Variants in RBFOX1 observed in about 807,000 individuals in gnomAD.
The protein encoded by RBFOX1 is RNA binding fox-1 homolog 1.
RBFOX1 carries 8 observed loss-of-function variants against 57.7 expected under a neutral mutation model. The ratio of observed to expected loss-of-function variants is 0.14; its 90% CI spans 0.08 to 0.25. The LOEUF is 0.25. Ranked by LOEUF, RBFOX1 falls within the 10% of genes least tolerant of loss-of-function variation. The probability of loss-of-function intolerance (pLI) is 1.00; values close to 1 mark genes in which losing one functional copy is unlikely to be tolerated. For missense variants in RBFOX1, 611 were observed against 548.5 expected, an observed-to-expected ratio of 1.11 and a Z score of -1.14; for synonymous variants, 326 against 222.4, an observed-to-expected ratio of 1.47 and a Z score of -4.15.
chr16:5,603,330 A>G (rs1567285095), downstream of RBFOX1, among the ~76,000 whole-genome samples: 1 of 152,142 alleles, frequency 6.6e-6, no homozygotes, highest in Non-Finnish European at 1.5e-5. Flanking sequence ...TATTCAAACT[A>G]TTTGTTTACA....
intron 2 of RBFOX1, among the ~76,000 whole-genome samples, chr16:6,330,700 G>A (rs556878877): frequency 6.6e-5 from 10 of 152,284 alleles, no homozygotes; most frequent in African/African-American, 1.9e-4. Context: ...TTCTCTAGAG[G>A]AAACAAATAT....
intron 4 of RBFOX1, among the ~76,000 whole-genome samples, chr16:7,246,820 A>T (rs187110172): frequency 1.3e-5 from 2 of 152,126 alleles, no homozygotes; most frequent in East Asian, 3.9e-4. Context: ...TGACTGACTG[A>T]TCAAAGAGAG....
intron 3 of RBFOX1, among the ~76,000 whole-genome samples, chr16:6,805,376 T>C (rs2086504110): frequency 6.6e-6 from 1 of 152,094 alleles, no homozygotes; most frequent in Admixed American, 6.6e-5. Context: ...CAGCAGACTT[T>C]GGGGTCTCCT....
In RBFOX1 at chr16:6,445,561, CTTTT is replaced by C. The variant is rs374322471; in HGVS notation, c.-64+128523_-64+128526del. 8.9e-3 allele frequency among the ~76,000 whole-genome samples: 1,021 copies of C among 114,840 alleles called. 14 individuals carry two copies. The highest frequency in any genetic ancestry group is 0.028 in the African/African-American group (848 of 29,836). 75.3% of individuals were successfully genotyped at this position (114,840 alleles called of 152,430 possible). A position where few individuals can be genotyped will look rare whatever the true frequency, so the allele number is the denominator to read the frequency against. ...GCTTATTAACCTTGCCTCTGAACTC[CTTTT>C]TTTTTTTTTTTTTTTTTTGAGATGG... On this transcript the variant is annotated intron_variant, in intron 2 of 15. Coordinates refer to ENST00000550418, the MANE Select transcript of RBFOX1 (RefSeq NM_018723.4).
At chr16:7,373,451 G>C (rs1261329558) in intron 4 of RBFOX1, among the ~76,000 whole-genome samples, 1 of 152,134 alleles carries the variant, frequency 6.6e-6, no homozygotes. Context: ...GGTTTTGTGA[G>C]ACCACTAAGT....
intron 1 of RBFOX1, among the ~76,000 whole-genome samples, chr16:5,454,854 TTTTCTTTC>T (rs200680272): frequency 0.12 from 8,149 of 67,102 alleles, 552 homozygotes; most frequent in Middle Eastern, 0.17. Flanking sequence ...TCTTTCTTTC[TTTTCTTTC>T]TTTCTTTCTT....
chr16:5,812,450 C>T (rs1054592482), intron 3 of RBFOX1, among the ~76,000 whole-genome samples: 1 of 130,956 alleles, frequency 7.6e-6, no homozygotes, highest in African/African-American at 2.9e-5. Flanking sequence ...CATGATCAGT[C>T]TTTTTCTCTT....
At chr16:6,058,320 C>T (rs761071979) in intron 1 of RBFOX1, among the ~76,000 whole-genome samples, 13 of 151,534 alleles carry the variant, frequency 8.6e-5, no homozygotes, top group South Asian at 4.2e-4. Context: ...CTTCCTCCCT[C>T]CTCTCCTTCC....
chr16:5,863,312 G>A (rs962499536), intron 3 of RBFOX1, among the ~76,000 whole-genome samples: 10 of 152,206 alleles, frequency 6.6e-5, no homozygotes, highest in Non-Finnish European at 8.8e-5. Context: ...AGTTTCCCAC[G>A]TCCGTTTTGC....
chr16:7,041,329 C>T lies in RBFOX1; in HGVS notation c.-15-10728C>T, dbSNP rs2046114712. 2.6e-5 allele frequency among the ~76,000 whole-genome samples: 4 copies of T among 152,164 alleles called. No individual in the cohort carries two copies. The South Asian group carries it at 6.2e-4, about 24-fold the overall frequency. On this transcript the variant is annotated intron_variant, in intron 3 of 15. Transcript: ENST00000550418. ...CCATAATGGGAGAACCGAGTAGCTGCAACAAAGACAAGAGAGTCTGTGGCT... is the reference window on the plus strand; with the variant it reads ...CCATAATGGGAGAACCGAGTAGCTGTAACAAAGACAAGAGAGTCTGTGGCT...
At chr16:5,881,661 C>G (rs1362788102) in intron 4 of RBFOX1, among the ~76,000 whole-genome samples, 6 of 151,896 alleles carry the variant, frequency 4.0e-5, no homozygotes. Context: ...GCCTGGGTGA[C>G]AGAGCAAGAC....
chr16:5,312,503 G>T (rs2064119234), intron 1 of RBFOX1, among the ~76,000 whole-genome samples: 1 of 152,096 alleles, frequency 6.6e-6, no homozygotes, highest in Non-Finnish European at 1.5e-5. Context: ...TTTTAGTAGA[G>T]ACGGGGTTTC....
intron 2 of RBFOX1, among the ~76,000 whole-genome samples, chr16:6,555,523 C>A (rs1003712674): frequency 1.3e-5 from 2 of 152,030 alleles, no homozygotes; most frequent in African/African-American, 2.4e-5. Flanking sequence ...CACAGTGAAA[C>A]CCCGTCTCTA....
chr16:7,075,139 G>T (rs926802584), intron 4 of RBFOX1, among the ~76,000 whole-genome samples: 1 of 152,214 alleles, frequency 6.6e-6, no homozygotes, highest in Non-Finnish European at 1.5e-5. Context: ...CTGTGCAGTT[G>T]ATCTTACTAC....
At chr16:7,314,822 A>T (rs111746008) in intron 4 of RBFOX1, among the ~76,000 whole-genome samples, 3,250 of 152,288 alleles carry the variant, frequency 0.021, 64 homozygotes, top group African/African-American at 0.051. Context: ...CTTTAAACAA[A>T]GGGGTTTTTG....
chr16:5,658,634 C>T (rs2049535226), intron 3 of RBFOX1, among the ~76,000 whole-genome samples: 1 of 151,810 alleles, frequency 6.6e-6, no homozygotes, highest in Non-Finnish European at 1.5e-5. Context: ...AGTTACTTCC[C>T]TTAGAATAAT....
intron 1 of RBFOX1, among the ~76,000 whole-genome samples, chr16:5,341,591 C>A (rs996321038): frequency 6.6e-6 from 1 of 152,172 alleles, no homozygotes; most frequent in African/African-American, 2.4e-5. Flanking sequence ...ACAACGTGAG[C>A]AGTGACTAAG....
chr16:6,809,118 C>A (rs773385832), intron 3 of RBFOX1, among the ~76,000 whole-genome samples: 1 of 152,202 alleles, frequency 6.6e-6, no homozygotes, highest in Non-Finnish European at 1.5e-5. Context: ...AAACACCAAC[C>A]TGTCACCAGT....
intron 1 of RBFOX1, among the ~76,000 whole-genome samples, chr16:6,310,000 G>A (rs546251296): frequency 1.2e-3 from 176 of 152,238 alleles, no homozygotes; most frequent in African/African-American, 4.0e-3. Flanking sequence ...TGATTCTCCT[G>A]CCTCAGCCTC....
Sources: gnomAD v4.1 joint callset for allele counts (sites outside exome capture counted in the v4.1 genomes callset) on GRCh38, gnomAD v4.1.1 for gene constraint, MANE v1.5 for transcripts, NCBI Gene and HGNC (gene_info 2026-07-23, HGNC 2026-07-21) for gene names.